The following KCNIP4 variants were observed in gnomAD, a reference collection of about 807,000 sequenced individuals.
KCNIP4 encodes the protein Kv channel-interacting protein 4.
KCNIP4 carries 12 observed loss-of-function variants against 34.0 expected under a neutral mutation model. That is an observed-to-expected ratio of 0.35 (90% confidence interval 0.23 to 0.57). The LOEUF (loss-of-function observed/expected upper bound fraction) is 0.57. Ranked by LOEUF, KCNIP4 falls within the 20% of genes least tolerant of loss-of-function variation. KCNIP4 has a pLI of 0.83. For missense variants in KCNIP4, 238 were observed against 311.7 expected (o/e 0.76, Z 1.78); for synonymous variants, 124 against 102.2 (o/e 1.21, Z -1.29).
intron 1 of KCNIP4, among the ~76,000 whole-genome samples, chr4:21,685,421 AGAC>A (rs1302223348): frequency 1.4e-4 from 22 of 152,286 alleles, no homozygotes; most frequent in African/African-American, 4.6e-4. Flanking sequence ...TCACCTGCTA[AGAC>A]GTGATGGTGC....
intron 1 of KCNIP4, among the ~76,000 whole-genome samples, chr4:20,932,310 C>A: frequency 3.5e-5 from 1 of 28,928 alleles, no homozygotes; most frequent in East Asian, 1.4e-3. Flanking sequence ...CTATAATAGT[C>A]TATAACAGTC....
At chr4:21,878,727 G>A (rs908736828) in intron 1 of KCNIP4, among the ~76,000 whole-genome samples, 1 of 152,008 alleles carries the variant, frequency 6.6e-6, no homozygotes, top group African/African-American at 2.4e-5. Flanking sequence ...GAACACAAAC[G>A]TGAAGACTCA....
intron 7 of KCNIP4, among the ~76,000 whole-genome samples, chr4:20,732,321 C>G (rs1409929637): frequency 1.3e-5 from 2 of 152,174 alleles, no homozygotes; most frequent in Non-Finnish European, 2.9e-5. Flanking sequence ...ATCCCACCTT[C>G]TAGATGTGAC....
At chr4:21,041,503 T>C (rs533438799) in intron 1 of KCNIP4, among the ~76,000 whole-genome samples, 7 of 152,334 alleles carry the variant, frequency 4.6e-5, no homozygotes, top group Admixed American at 3.3e-4. Flanking sequence ...GTTTGGATTA[T>C]GGCACAAGCA....
chr4:21,438,230 T>C (rs1727133638), intron 1 of KCNIP4, among the ~76,000 whole-genome samples: 1 of 152,068 alleles, frequency 6.6e-6, no homozygotes, highest in Non-Finnish European at 1.5e-5. Context: ...GCCATTTTGG[T>C]GGTGGGGAAG....
At chr4:21,157,524 T>C (rs1004607451) in intron 1 of KCNIP4, among the ~76,000 whole-genome samples, 9 of 152,120 alleles carry the variant, frequency 5.9e-5, no homozygotes, top group East Asian at 1.9e-4. Context: ...GTAAAATAGA[T>C]AGTGATCTCG....
At chr4:21,497,962 T>C (rs1354954050) in intron 1 of KCNIP4, among the ~76,000 whole-genome samples, 1 of 152,190 alleles carries the variant, frequency 6.6e-6, no homozygotes, top group African/African-American at 2.4e-5. Flanking sequence ...TCTGTCTTTA[T>C]ATCCCCAGTA....
chr4:21,818,037 C>A (rs908363828), intron 1 of KCNIP4, among the ~76,000 whole-genome samples: 3 of 152,130 alleles, frequency 2.0e-5, no homozygotes, highest in African/African-American at 7.2e-5. Flanking sequence ...TGTACCTACT[C>A]CCTGTTCTTA....
chr4:21,518,213 G>C (rs1734924163), intron 1 of KCNIP4, among the ~76,000 whole-genome samples: 1 of 152,112 alleles, frequency 6.6e-6, no homozygotes, highest in Non-Finnish European at 1.5e-5. Flanking sequence ...GCTATCCATG[G>C]GATCAATATA....
chr4:21,459,506 A>T (rs978698497), intron 1 of KCNIP4, among the ~76,000 whole-genome samples: 2 of 151,912 alleles, frequency 1.3e-5, no homozygotes, highest in Admixed American at 1.3e-4. Context: ...ACCCAGTCTC[A>T]TGGCTTTATG....
intron 1 of KCNIP4, among the ~76,000 whole-genome samples, chr4:21,096,076 T>C (rs1164075635): frequency 6.6e-6 from 1 of 152,160 alleles, no homozygotes; most frequent in East Asian, 1.9e-4. Context: ...CTGGGGAGAT[T>C]AAATTTACCG....
At chr4:20,839,166 ATC>A (rs1719414198) in intron 3 of KCNIP4, among the ~76,000 whole-genome samples, 1 of 152,110 alleles carries the variant, frequency 6.6e-6, no homozygotes, top group Non-Finnish European at 1.5e-5. Context: ...TGACTCTCAA[ATC>A]TGTATGTGTG....
Position 20,728,848 on chromosome 4 carries a change from T to TGA in KCNIP4, c.*1232_*1233dup. The TGA allele has an allele frequency of 6.5e-6, 1 of 152,682 alleles. No individual in the cohort carries two copies. Among genetic ancestry groups the TGA allele is most frequent in the South Asian group, 2.1e-4 (1 of 4,828 alleles). The allele number at this position is 152,682 out of a possible 1,614,324, so 9.5% of individuals were successfully genotyped here. A position where few individuals can be genotyped will look rare whatever the true frequency, so the allele number is the denominator to read the frequency against. On this transcript the variant is annotated 3_prime_UTR_variant, in exon 9 of 9. Coordinates refer to ENST00000382152, the MANE Select transcript of KCNIP4 (RefSeq NM_025221.6). ...TCCTTCTGTAGCCTCTTGGTCTTTG[T>TGA]GATATTTCTACAAAACAGGGACGAT...
At chr4:21,499,727 T>C (rs1419776610) in intron 1 of KCNIP4, among the ~76,000 whole-genome samples, 1 of 152,132 alleles carries the variant, frequency 6.6e-6, no homozygotes, top group East Asian at 1.9e-4. Context: ...AAAAATTTCT[T>C]TTTCAGAAAG....
At chr4:21,049,652 C>T (rs1375159857) in intron 1 of KCNIP4, among the ~76,000 whole-genome samples, 1 of 152,148 alleles carries the variant, frequency 6.6e-6, no homozygotes, top group Non-Finnish European at 1.5e-5. Context: ...TACATCCTGC[C>T]ATAGCACTCA....
chr4:21,807,450 G>A (rs536467273), intron 1 of KCNIP4, among the ~76,000 whole-genome samples: 20 of 152,290 alleles, frequency 1.3e-4, no homozygotes, highest in African/African-American at 4.8e-4. Flanking sequence ...AGAAGGATGA[G>A]GGGTCACTCA....
intron 1 of KCNIP4, among the ~76,000 whole-genome samples, chr4:21,455,208 A>C (rs1396101236): frequency 6.6e-6 from 1 of 152,054 alleles, no homozygotes; most frequent in Non-Finnish European, 1.5e-5. Context: ...AGAAGTAGGC[A>C]AATAACAAAT....
chr4:21,689,276 A>G (rs544320510), intron 1 of KCNIP4, among the ~76,000 whole-genome samples: 1 of 152,326 alleles, frequency 6.6e-6, no homozygotes, highest in South Asian at 2.1e-4. Context: ...ATGATTAGGT[A>G]TTTCAATTAT....
intron 1 of KCNIP4, among the ~76,000 whole-genome samples, chr4:21,380,537 G>C (rs546575803): frequency 1.1e-4 from 16 of 151,774 alleles, no homozygotes; most frequent in African/African-American, 3.6e-4. Flanking sequence ...GTCAAGTATA[G>C]ATCACTCTTA....
Sources: gnomAD v4.1 joint callset for allele counts (sites outside exome capture counted in the v4.1 genomes callset) on GRCh38, gnomAD v4.1.1 for gene constraint, MANE v1.5 for transcripts, NCBI Gene and HGNC (gene_info 2026-07-23, HGNC 2026-07-21) for gene names.